The following NOP9 variants were observed in gnomAD, a reference collection of about 807,000 sequenced individuals.
NOP9 encodes nucleolar protein 9.
A neutral mutation model predicts 63.0 loss-of-function variants in NOP9; 50 were observed. That is an observed-to-expected ratio of 0.79 (90% CI 0.63 to 1.00). The LOEUF (loss-of-function observed/expected upper bound fraction) is 1.00, where lower values mean the gene tolerates loss of function less well. Among genes scored for constraint, NOP9 ranks in the 50% least tolerant of loss-of-function variants. The pLI is 0.00. For missense variants in NOP9, 758 were observed against 803.0 expected, an observed-to-expected ratio of 0.94 and a Z score of 0.68; for synonymous variants, 343 against 332.8, an observed-to-expected ratio of 1.03 and a Z score of -0.33.
the NOP9 span, among the ~76,000 whole-genome samples, chr14:24,281,930 C>T: frequency 3.3e-5 from 5 of 152,170 alleles, no homozygotes; most frequent in African/African-American, 9.7e-5. Flanking sequence ...AACCAGAGGC[C>T]GGCACAGTGG....
chr14:24,307,583 G>T lies in NOP9; in HGVS notation c.*2488G>T. 1 of 1,552,704 alleles carries T rather than the reference G, an allele frequency of 6.4e-7. No homozygotes were observed. The highest frequency in any genetic ancestry group is 1.2e-5 in the South Asian group (1 of 85,068). On this transcript the variant is annotated 3_prime_UTR_variant, in exon 10 of 10. Transcript: ENST00000267425. ...TTGGTGAGTGTAAAGGGCATGATGA[G>T]GGTAGAGTGGCTAGAGGGCTAGGGA...
chr14:24,304,266 C>T lies in NOP9; in HGVS notation c.1636C>T (p.Gln546Ter). 6.2e-7 allele frequency: 1 copy of T among 1,613,400 alleles called. No homozygotes were observed. The highest frequency in any genetic ancestry group is 8.5e-7 in the Non-Finnish European group (1 of 1,179,614). ...GCGCAAGCTGCGCCGCCGTGTGCTG[C>T]AGAACCTAAAGGTTAGATTTCTGGC... is the stretch of plus-strand genomic sequence containing the variant. The part of the protein sequence containing the change: ...VTRKLRRRVL[Q>*]NLKGQYVALA... Residue 546 changes from glutamine to a stop codon, truncating the protein, a stop_gained, in exon 8 of 10, where the codon CAG (glutamine) becomes TAG (stop). Transcript: ENST00000267425. LOFTEE classifies it high-confidence loss of function.
At chr14:24,271,367 C>T in the NOP9 span, 2 of 402,646 alleles carry the variant, frequency 5.0e-6, no homozygotes, top group African/African-American at 2.0e-5. Flanking sequence ...CCCGATTCGC[C>T]CGGGCCAGAG....
At position 24,300,090 on chromosome 14, in the gene NOP9, C is replaced by T; in HGVS notation, c.136C>T (p.Arg46Cys). 6.2e-7 allele frequency: 1 copy of T among 1,613,146 alleles called. No homozygotes were observed. Among genetic ancestry groups the T allele is most frequent in the Non-Finnish European group, 8.5e-7 (1 of 1,179,828 alleles). Residue 46 changes from arginine (R) to cysteine (C), a missense_variant, in exon 1 of 10, where the codon CGC becomes TGC. Arg to Cys is a radical substitution (Grantham distance 180). Transcript: ENST00000267425. ...KRQPWPPPDG[R>C]SEPAPDSHPH... Reference sequence around the variant, plus strand: ...GCAACCCTGGCCGCCTCCGGATGGGCGCTCGGAGCCGGCTCCAGATTCGCA... The same window carrying T: ...GCAACCCTGGCCGCCTCCGGATGGGTGCTCGGAGCCGGCTCCAGATTCGCA...
the NOP9 span, chr14:24,291,093 C>A: frequency 2.5e-6 from 4 of 1,613,386 alleles, no homozygotes; most frequent in African/African-American, 5.3e-5. Flanking sequence ...GGGCAGGGAA[C>A]AGAGGGAACA....
At chr14:24,303,338 G>T in intron 6 of NOP9, 124 bp downstream of exon 6, 1 of 1,261,146 alleles carries the variant, frequency 7.9e-7, no homozygotes. Flanking sequence ...GAGTTCACAG[G>T]AATGGGGGAA....
At chr14:24,272,578 G>A in the NOP9 span, among the ~76,000 whole-genome samples, 6 of 152,142 alleles carry the variant, frequency 3.9e-5, no homozygotes, top group Non-Finnish European at 7.4e-5. Flanking sequence ...TCCATCCTCT[G>A]TGCTACTGAA....
rs746530215 is a variant in NOP9 at position 24,307,343 on chromosome 14, T to C, written c.*2248T>C. 11 of 1,601,370 alleles carry C rather than the reference T, an allele frequency of 6.9e-6. No homozygotes were observed. Among genetic ancestry groups the C allele is most frequent in the African/African-American group, 2.7e-5 (2 of 74,648 alleles). ...TGGAGCCCCTTGGCTACCCCTGCTA[T>C]AGGAACCGAGGAACTTGGCCTACTT... is the stretch of plus-strand genomic sequence containing the variant. On this transcript the variant is annotated 3_prime_UTR_variant, in exon 10 of 10. Coordinates refer to ENST00000267425, the MANE Select transcript of NOP9 (RefSeq NM_174913.3).
chr14:24,285,360 G>A, the NOP9 span, among the ~76,000 whole-genome samples: 1 of 152,166 alleles, frequency 6.6e-6, no homozygotes, highest in Admixed American at 6.5e-5. Flanking sequence ...GAAGTTTCTG[G>A]TGGTGGGAGC....
At chr14:24,275,617 C>T in the NOP9 span, among the ~76,000 whole-genome samples, 4 of 152,192 alleles carry the variant, frequency 2.6e-5, no homozygotes, top group South Asian at 2.1e-4. Context: ...ACCCTGAGCC[C>T]GTCACAGACC....
At chr14:24,292,291 G>A in the NOP9 span, 33 of 1,613,966 alleles carry the variant, frequency 2.0e-5, 1 homozygote, top group Middle Eastern at 1.6e-4. Flanking sequence ...ACCCCATGGC[G>A]CCGCAGCTCG....
At chr14:24,299,253 AG>A (rs2041322696), upstream of NOP9, 1 of 920,928 alleles carries the variant, frequency 1.1e-6, no homozygotes, top group South Asian at 1.8e-5. Context: ...GAATCCTTTG[AG>A]GGGAGAGGAG....
the NOP9 span, chr14:24,292,676 G>C: frequency 6.2e-7 from 1 of 1,614,096 alleles, no homozygotes; most frequent in Non-Finnish European, 8.5e-7. Flanking sequence ...CACCATAGGG[G>C]ACATTGAACA....
upstream of NOP9, among the ~76,000 whole-genome samples, chr14:24,295,187 G>C (rs1051531974): frequency 6.6e-6 from 1 of 152,106 alleles, no homozygotes; most frequent in African/African-American, 2.4e-5. Flanking sequence ...AAAAGAATGA[G>C]AGATATTTAC....
chr14:24,301,472 C>A, intron 2 of NOP9, 140 bp from the exon 3 acceptor site: 1 of 975,882 alleles, frequency 1.0e-6, no homozygotes, highest in Non-Finnish European at 1.5e-6. Flanking sequence ...AGTCTCAGTT[C>A]AGTCATCCAG....
At chr14:24,289,021 G>C in the NOP9 span, among the ~76,000 whole-genome samples, 1 of 150,086 alleles carries the variant, frequency 6.7e-6, no homozygotes, top group Admixed American at 6.6e-5. Flanking sequence ...AGTCACCCAG[G>C]CTGGAGTGCA....
rs763453459 is a variant in NOP9 at position 24,303,114 on chromosome 14, C to G, written c.1184C>G (p.Ala395Gly). 1.9e-6 allele frequency: 3 copies of G among 1,594,352 alleles called. No individual in the cohort carries two copies. The highest frequency in any genetic ancestry group is 2.6e-6 in the Non-Finnish European group (3 of 1,172,190). The part of the protein sequence containing the change: ...VFEELSPVLE[A>G]VLAQGHPGVV... ...GAGGAGCTGAGCCCTGTCTTGGAAG[C>G]TGTATTGGCCCAGGGCCACCCAGGG... Residue 395 changes from alanine (A) to glycine (G), a missense_variant, in exon 6 of 10, where the codon GCT (alanine) becomes GGT (glycine). Ala to Gly is a moderately conservative substitution (Grantham distance 60). Coordinates refer to ENST00000267425, the MANE Select transcript of NOP9 (RefSeq NM_174913.3).
the NOP9 span, chr14:24,291,257 G>A: frequency 1.2e-6 from 2 of 1,600,144 alleles, no homozygotes; most frequent in Non-Finnish European, 1.7e-6. Flanking sequence ...GCAGGCAGGG[G>A]AGTATGCAGA....
At chr14:24,292,343 G>A in the NOP9 span, 14 of 1,613,416 alleles carry the variant, frequency 8.7e-6, no homozygotes, top group Admixed American at 6.7e-5. Flanking sequence ...GTGGAGAGGC[G>A]GAAGGCAGGG....
Sources: allele counts gnomAD v4.1 joint callset (sites outside exome capture counted in the v4.1 genomes callset), GRCh38; gene constraint gnomAD v4.1.1; transcripts MANE v1.5; gene names NCBI Gene and HGNC (gene_info 2026-07-23, HGNC 2026-07-21).